Variants in COL1A2 observed in about 807,000 individuals in gnomAD.
The protein encoded by COL1A2 is collagen alpha-2(I) chain.
In COL1A2, 49 loss-of-function variants were observed where a neutral mutation model predicts 174.3. That is an observed-to-expected ratio of 0.28 (90% CI 0.22 to 0.36). The LOEUF is 0.36. Among genes scored for constraint, COL1A2 ranks in the 10% least tolerant of loss-of-function variants. The pLI, the probability that COL1A2 is intolerant of heterozygous loss-of-function variation, is 1.00. For synonymous variants in COL1A2, 655 were observed against 606.6 expected (o/e 1.08, Z -1.17); for missense variants, 1,438 against 1,822.7 (o/e 0.79, Z 3.84).
chr7:94,411,274 G>A, intron 23 of COL1A2, 120 bp downstream of exon 23: 1 of 814,820 alleles, frequency 1.2e-6, no homozygotes. Flanking sequence ...TAGTCTTGCT[G>A]ACAGTTGCAT....
intron 10 of COL1A2, 122 bp downstream of exon 10, chr7:94,405,374 C>A: frequency 2.1e-6 from 2 of 952,974 alleles, no homozygotes; most frequent in Non-Finnish European, 3.2e-6. Flanking sequence ...GAATCGAAGG[C>A]ATCTAATAAA....
At chr7:94,422,048 C>A in intron 39 of COL1A2, 96 bp downstream of exon 39, 2 of 1,010,604 alleles carry the variant, frequency 2.0e-6, no homozygotes, top group Non-Finnish European at 1.5e-6. Flanking sequence ...GAAAACACAT[C>A]ACTAATATTC....
At chr7:94,396,802 T>C (rs572539465) in intron 1 of COL1A2, among the ~76,000 whole-genome samples, 1 of 152,294 alleles carries the variant, frequency 6.6e-6, no homozygotes, top group African/African-American at 2.4e-5. Context: ...ATTGTGACTG[T>C]TGCAACAGAT....
chr7:94,424,470 C>A, intron 41 of COL1A2, 27 bp downstream of exon 41: 1 of 1,589,188 alleles, frequency 6.3e-7, no homozygotes, highest in Non-Finnish European at 8.6e-7. Context: ...ATTCTGACTC[C>A]ATTAACATAA....
chr7:94,421,453 C>T (rs958273428), intron 38 of COL1A2: 16 of 381,920 alleles, frequency 4.2e-5, no homozygotes, highest in African/African-American at 3.3e-4. Context: ...TCTTCTCTCA[C>T]TGGACAGTGC....
At position 94,411,648 on chromosome 7, in the gene COL1A2, A is replaced by G. The variant is rs140799959; in HGVS notation, c.1351-420A>G. Reference sequence around the variant, plus strand: ...GCAATAGAGTAATTTTTTTGCCTCCATTGCCTCTTATGGGTGAATATCAAC... The same window carrying G: ...GCAATAGAGTAATTTTTTTGCCTCCGTTGCCTCTTATGGGTGAATATCAAC... On this transcript the variant is annotated intron_variant, in intron 23 of 51. Transcript: ENST00000297268. 1.1e-3 allele frequency among the ~76,000 whole-genome samples: 162 copies of G among 152,290 alleles called. 1 individual carries two copies. In the East Asian group the frequency reaches 0.021, roughly 20 times the overall value.
chr7:94,397,575 AC>A (rs1791608173), intron 1 of COL1A2, among the ~76,000 whole-genome samples, 172 bp from the exon 2 acceptor site: 1 of 152,110 alleles, frequency 6.6e-6, no homozygotes, highest in South Asian at 2.1e-4. Flanking sequence ...TCCCTGCCAT[AC>A]TTTTGACCTG....
intron 3 of COL1A2, among the ~76,000 whole-genome samples, 158 bp from the exon 4 acceptor site, chr7:94,398,891 C>T (rs947117465): frequency 7.9e-5 from 12 of 152,020 alleles, no homozygotes; most frequent in Non-Finnish European, 1.6e-4. Context: ...AAAATATATA[C>T]TTTTATCTAT....
At chr7:94,419,614 A>G in intron 34 of COL1A2, 63 bp downstream of exon 34, 1 of 1,570,110 alleles carries the variant, frequency 6.4e-7, no homozygotes, top group Non-Finnish European at 8.8e-7. Flanking sequence ...CCCTAGTCCC[A>G]AAGAGCCCCA....
intron 51 of COL1A2, chr7:94,429,941 T>C (rs763186668): frequency 1.5e-5 from 6 of 410,948 alleles, no homozygotes; most frequent in East Asian, 4.7e-5. Context: ...AAGACACACA[T>C]AGAGGGACAT....
intron 24 of COL1A2, 27 bp from the exon 25 acceptor site, chr7:94,412,557 G>C (rs1311645204): frequency 6.3e-7 from 1 of 1,588,412 alleles, no homozygotes; most frequent in Non-Finnish European, 8.6e-7. Flanking sequence ...TTGACACTGA[G>C]TAAACTTGAA....
Position 94,409,753 on chromosome 7 carries a change from C to T in COL1A2, c.967C>T (p.Leu323Phe). Residue 323 changes from leucine (L) to phenylalanine (F), a missense_variant, in exon 19 of 52, where the codon CTC (leucine) becomes TTC (phenylalanine). This residue lies in a region of COL1A2 where 867 missense variants were observed against 1,213.7 expected (regional missense o/e 0.71). Coordinates refer to ENST00000297268, the MANE Select transcript of COL1A2 (RefSeq NM_000089.4). ...TCCCGGCGTTGCTGGGGCTCCCGGC[C>T]TCCCTGGACCCCGCGGTATTCCTGG... is the stretch of plus-strand genomic sequence containing the variant. The part of the protein sequence containing the change: ...GLPGVAGAPG[L>F]PGPRGIPGPV... 1 of 1,614,136 alleles carries T rather than the reference C, an allele frequency of 6.2e-7. No homozygotes were observed. Among genetic ancestry groups the T allele is most frequent in the Non-Finnish European group, 8.5e-7 (1 of 1,180,018 alleles).
intron 10 of COL1A2, 90 bp from the exon 11 acceptor site, chr7:94,405,583 T>C: frequency 7.9e-7 from 1 of 1,262,758 alleles, no homozygotes; most frequent in Non-Finnish European, 1.2e-6. Context: ...GCTTGAACTT[T>C]GATGAGAATA....
chr7:94,417,393 T>C (rs1423984752), intron 31 of COL1A2: 2 of 358,834 alleles, frequency 5.6e-6, no homozygotes, highest in East Asian at 1.4e-4. Flanking sequence ...GACTTATCCT[T>C]GAAAAATGTT....
At position 94,415,210 on chromosome 7, in the gene COL1A2, C is replaced by A. The variant is rs1232748725; in HGVS notation, c.1720-16C>A. 6 of 1,611,806 alleles carry A rather than the reference C, an allele frequency of 3.7e-6. No individual in the cohort carries two copies. The South Asian group carries it at 6.6e-5, about 18-fold the overall frequency. On this transcript the variant is annotated splice_polypyrimidine_tract_variant and intron_variant, in intron 29 of 51. Transcript: ENST00000297268. ...TCACACACAGATTTCATGCTTTATT[C>A]TCATGTTTTGTCTAGGGTCTCCATG... is the stretch of plus-strand genomic sequence containing the variant.
chr7:94,407,212 A>G (rs1791821059), intron 12 of COL1A2, among the ~76,000 whole-genome samples: 1 of 152,180 alleles, frequency 6.6e-6, no homozygotes, highest in Non-Finnish European at 1.5e-5. Context: ...GCTTATTCCC[A>G]AAGAATAGAC....
chr7:94,430,857 T>C lies in COL1A2; in HGVS notation c.*464T>C, dbSNP rs944754239. 1.7e-5 allele frequency: 3 copies of C among 171,626 alleles called. No individual in the cohort carries two copies. Among genetic ancestry groups the C allele is most frequent in the African/African-American group, 7.2e-5 (3 of 41,572 alleles). 10.6% of individuals were successfully genotyped at this position (171,626 alleles called of 1,614,324 possible). On this transcript the variant is annotated 3_prime_UTR_variant, in exon 52 of 52. Coordinates refer to ENST00000297268, the MANE Select transcript of COL1A2 (RefSeq NM_000089.4). ...ATGAACTGAGGTCCTTGTTTTGTTTTGTTCATAATACAAAGGTGCTAATTA... is the reference window on the plus strand; with the variant it reads ...ATGAACTGAGGTCCTTGTTTTGTTTCGTTCATAATACAAAGGTGCTAATTA...
chr7:94,415,367 T>C, intron 30 of COL1A2, 97 bp downstream of exon 30: 1 of 984,318 alleles, frequency 1.0e-6, no homozygotes, highest in Non-Finnish European at 1.7e-6. Flanking sequence ...CTGCAACAAG[T>C]CTCTGATGCT....
intron 5 of COL1A2, 23 bp from the exon 6 acceptor site, chr7:94,401,544 A>AAT (rs1791688744): frequency 3.2e-6 from 3 of 951,212 alleles, no homozygotes; most frequent in Middle Eastern, 4.3e-4. Flanking sequence ...TATATATATA[A>AAT]TTTTTTTTTT....
Sources: allele counts gnomAD v4.1 joint callset (sites outside exome capture counted in the v4.1 genomes callset), GRCh38; gene constraint gnomAD v4.1.1; regional missense constraint gnomAD v4.1.1; transcripts MANE v1.5; gene names NCBI Gene and HGNC (gene_info 2026-07-23, HGNC 2026-07-21).